Variants in SLC12A6 observed in about 807,000 individuals in gnomAD.
SLC12A6 encodes K-Cl cotransporter 3.
Under a neutral mutation model 135.3 loss-of-function variants are expected in SLC12A6, and 66 were observed. The observed-to-expected ratio is 0.49, with a 90% CI of 0.40 to 0.60. The LOEUF (loss-of-function observed/expected upper bound fraction) is 0.60, where lower values mean the gene tolerates loss of function less well. Among genes scored for constraint, SLC12A6 ranks in the 20% least tolerant of loss-of-function variants. The pLI is 0.00. For missense variants in SLC12A6, 1,058 were observed against 1,452.3 expected, an observed-to-expected ratio of 0.73 and a Z score of 4.41; for synonymous variants, 513 against 508.8, an observed-to-expected ratio of 1.01 and a Z score of -0.11.
intron 2 of SLC12A6, among the ~76,000 whole-genome samples, chr15:34,287,906 A>C (rs2095099901): frequency 6.6e-6 from 1 of 152,130 alleles, no homozygotes; most frequent in African/African-American, 2.4e-5. Context: ...AGATAGCAAA[A>C]ATTTTCTCCC....
chr15:34,252,568 T>G (rs781586530), intron 9 of SLC12A6, among the ~76,000 whole-genome samples, 184 bp from the exon 10 acceptor site: 32 of 152,220 alleles, frequency 2.1e-4, no homozygotes, highest in Non-Finnish European at 2.9e-5. Flanking sequence ...TGACTTACAT[T>G]TTCTGCCAAT....
At position 34,252,307 on chromosome 15, in the gene SLC12A6, ATGT is replaced by A. The variant is rs1357207640; in HGVS notation, c.1193_1195del (p.Asn398del). 6.2e-7 allele frequency: 1 copy of A among 1,612,158 alleles called. No individual in the cohort carries two copies. Among genetic ancestry groups the A allele is most frequent in the Non-Finnish European group, 8.5e-7 (1 of 1,178,250 alleles). ...TCCCCATAACTTTGATGGGACTGTC[ATGT>A]TGTTAATTTCCTTGGTCTTAGAGCA... On this transcript the variant is annotated inframe_deletion, in exon 10 of 26. Coordinates refer to ENST00000354181, the MANE Select transcript of SLC12A6 (RefSeq NM_001365088.1).
chr15:34,305,970 C>A (rs2141037870), intron 2 of SLC12A6, among the ~76,000 whole-genome samples: 1 of 152,094 alleles, frequency 6.6e-6, no homozygotes, highest in African/African-American at 2.4e-5. Flanking sequence ...CCCATGTTAG[C>A]CAGGATGGTC....
Position 34,231,638 on chromosome 15 carries a change from G to A in SLC12A6, c.*2243C>T, listed in dbSNP as rs1175134238. 1 of 147,570 alleles carries A rather than the reference G, an allele frequency of 6.8e-6. No individual in the cohort carries two copies. Among genetic ancestry groups the A allele is most frequent in the Non-Finnish European group, 1.5e-5 (1 of 67,266 alleles). 9.1% of individuals were successfully genotyped at this position (147,570 alleles called of 1,614,324 possible). A position where few individuals can be genotyped will look rare whatever the true frequency, so the allele number is the denominator to read the frequency against. On this transcript the variant is annotated 3_prime_UTR_variant, in exon 26 of 26. Coordinates refer to ENST00000354181, the MANE Select transcript of SLC12A6 (RefSeq NM_001365088.1). ...GGAGTCTCCCTCTGTCGCCCAGGCT[G>A]GAGTGCAGTGGTGCAATCTCGGTTC...
intron 2 of SLC12A6, among the ~76,000 whole-genome samples, chr15:34,299,048 G>A (rs1896069766): frequency 6.6e-6 from 1 of 152,114 alleles, no homozygotes; most frequent in African/African-American, 2.4e-5. Flanking sequence ...ATTTTCACTT[G>A]TTTATTTGTA....
chr15:34,265,098 G>A (rs1893411520), intron 3 of SLC12A6, among the ~76,000 whole-genome samples: 1 of 152,212 alleles, frequency 6.6e-6, no homozygotes, highest in Non-Finnish European at 1.5e-5. Context: ...TTGGGAGGCT[G>A]AGGCAGGAGA....
At chr15:34,249,314 C>T (rs1016046466) in intron 13 of SLC12A6, among the ~76,000 whole-genome samples, 1 of 152,070 alleles carries the variant, frequency 6.6e-6, no homozygotes, top group Non-Finnish European at 1.5e-5. Flanking sequence ...AAGCCTAGCA[C>T]TTTGAGAGGC....
rs781493755 is a variant in SLC12A6, at chr15:34,336,410, C to T, written c.271G>A (p.Asp91Asn). ...RTSHPQDVIEDLSQNSITGEH... is the reference protein window; with the variant it reads ...RTSHPQDVIENLSQNSITGEH... The stretch of plus-strand genomic sequence containing the variant: ...TGCTGCGGTCTGTGTTTCTACTTAC[C>T]CTCGATGACATCCTGGGGGTGAGAA... Residue 91 changes from aspartate (D) to asparagine (N), a missense_variant and splice_region_variant, in exon 2 of 26, where the codon GAC becomes AAC. Coordinates refer to ENST00000354181, the MANE Select transcript of SLC12A6 (RefSeq NM_001365088.1). 1 of 1,613,042 alleles carries T rather than the reference C, an allele frequency of 6.2e-7. No homozygotes were observed. Among genetic ancestry groups the T allele is most frequent in the Non-Finnish European group, 8.5e-7 (1 of 1,179,140 alleles).
At chr15:34,256,085 C>G (rs775213581) in intron 7 of SLC12A6, 144 bp downstream of exon 7, 44 of 700,868 alleles carry the variant, frequency 6.3e-5, no homozygotes, top group Non-Finnish European at 1.0e-4. Context: ...AGTATTATGT[C>G]TACGTCCTAT....
At chr15:34,310,174 A>T (rs1595548359) in intron 2 of SLC12A6, among the ~76,000 whole-genome samples, 1 of 127,744 alleles carries the variant, frequency 7.8e-6, no homozygotes, top group East Asian at 2.3e-4. Context: ...ACGCCCAGCT[A>T]GTGTGTGTGT....
intron 4 of SLC12A6, among the ~76,000 whole-genome samples, chr15:34,259,947 G>A (rs1361171501): frequency 6.6e-6 from 1 of 152,180 alleles, no homozygotes; most frequent in Non-Finnish European, 1.5e-5. Context: ...TGTAGGGGAA[G>A]GGGGAGAGGT....
chr15:34,242,297 T>C (rs955721899), intron 16 of SLC12A6, 76 bp from the exon 17 acceptor site: 35 of 1,037,008 alleles, frequency 3.4e-5, no homozygotes, highest in Non-Finnish European at 4.6e-5. Flanking sequence ...CTTCTCAAAC[T>C]ATCTGTGGTG....
chr15:34,276,890 A>C (rs1288298713), intron 2 of SLC12A6, among the ~76,000 whole-genome samples: 1 of 152,164 alleles, frequency 6.6e-6, no homozygotes, highest in African/African-American at 2.4e-5. Flanking sequence ...AACAAATTCC[A>C]GTTTCTGATG....
At chr15:34,248,789 T>C (rs1892183329) in intron 13 of SLC12A6, among the ~76,000 whole-genome samples, 1 of 151,704 alleles carries the variant, frequency 6.6e-6, no homozygotes, top group South Asian at 2.1e-4. Context: ...CAAGGTGGAG[T>C]GTTTACCTCT....
intron 13 of SLC12A6, among the ~76,000 whole-genome samples, chr15:34,249,815 T>C (rs116192346): frequency 2.2e-3 from 335 of 151,604 alleles, no homozygotes; most frequent in African/African-American, 7.5e-3. Flanking sequence ...AAGGACTGTA[T>C]TTAACTGTCT....
intron 16 of SLC12A6, among the ~76,000 whole-genome samples, chr15:34,242,949 GA>G (rs747348312): frequency 2.6e-4 from 39 of 152,236 alleles, no homozygotes; most frequent in Non-Finnish European, 4.9e-4. Context: ...AGAATGGTGT[GA>G]ACCTGGGATC....
intron 3 of SLC12A6, among the ~76,000 whole-genome samples, chr15:34,264,587 T>C (rs1022065485): frequency 1.3e-5 from 2 of 152,206 alleles, no homozygotes; most frequent in Admixed American, 1.3e-4. Context: ...TGAACATTGT[T>C]AGGATCCTGA....
intron 2 of SLC12A6, among the ~76,000 whole-genome samples, chr15:34,291,746 T>C (rs1356367635): frequency 6.6e-6 from 1 of 152,114 alleles, no homozygotes; most frequent in African/African-American, 2.4e-5. Context: ...CTTCGATCAC[T>C]GATATCCTTT....
At chr15:34,335,426 A>G (rs2141205959) in intron 2 of SLC12A6, among the ~76,000 whole-genome samples, 1 of 152,348 alleles carries the variant, frequency 6.6e-6, no homozygotes, top group South Asian at 2.1e-4. Flanking sequence ...TGCTTTCACA[A>G]GTCAGTGGGT....
Sources: allele counts gnomAD v4.1 joint callset (sites outside exome capture counted in the v4.1 genomes callset), GRCh38; gene constraint gnomAD v4.1.1; transcripts MANE v1.5; gene names NCBI Gene and HGNC (gene_info 2026-07-23, HGNC 2026-07-21).